AEBP2: variants seen among roughly 807,000 people sequenced by gnomAD.
AEBP2 encodes the protein zinc finger protein AEBP2.
A neutral mutation model predicts 50.8 loss-of-function variants in AEBP2; 10 were observed. The observed-to-expected ratio is 0.20, with a 90% CI of 0.12 to 0.33. AEBP2 has a LOEUF of 0.33. Among genes scored for constraint, AEBP2 ranks in the 10% least tolerant of loss-of-function variants. The pLI, the probability that AEBP2 is intolerant of heterozygous loss-of-function variation, is 1.00. For missense variants in AEBP2, 570 were observed against 688.0 expected (o/e 0.83, Z 1.92); for synonymous variants, 296 against 261.3 (o/e 1.13, Z -1.28).
intron 1 of AEBP2, among the ~76,000 whole-genome samples, chr12:19,428,838 T>C (rs1245764878): frequency 6.6e-6 from 1 of 151,250 alleles, no homozygotes; most frequent in Non-Finnish European, 1.5e-5. Context: ...AAAGAAAATG[T>C]ACTTTAAAAA....
chr12:19,478,633 C>T lies in AEBP2; in HGVS notation c.987+5278C>T, dbSNP rs141917178. Among the ~76,000 whole-genome samples the T allele has an allele frequency of 6.4e-3, 968 of 152,232 alleles. 4 individuals carry two copies. The highest frequency in any genetic ancestry group is 0.011 in the Non-Finnish European group (728 of 68,020). On this transcript the variant is annotated intron_variant, in intron 3 of 7. Coordinates refer to ENST00000266508, the MANE Select transcript of AEBP2 (RefSeq NM_153207.5). Reference sequence around the variant, plus strand: ...TGCTATGAACTTTTCCTCTTAGCACCGCTTTTGCTGTTGCCCACTGGTTTT... The same window carrying T: ...TGCTATGAACTTTTCCTCTTAGCACTGCTTTTGCTGTTGCCCACTGGTTTT...
intron 1 of AEBP2, among the ~76,000 whole-genome samples, chr12:19,433,698 T>A (rs1398653753): frequency 1.3e-5 from 2 of 151,472 alleles, no homozygotes; most frequent in Non-Finnish European, 2.9e-5. Context: ...GAGAATCACT[T>A]GAACCGTGGG....
intron 2 of AEBP2, among the ~76,000 whole-genome samples, chr12:19,463,385 A>G (rs147671909): frequency 6.6e-6 from 1 of 152,334 alleles, no homozygotes; most frequent in East Asian, 1.9e-4. Context: ...AACTTTACCT[A>G]GAATTTTGTT....
chr12:19,423,064 CAAAAAAAAAA>C (rs751550689), intron 1 of AEBP2, among the ~76,000 whole-genome samples: 7 of 35,046 alleles, frequency 2.0e-4, no homozygotes, highest in Admixed American at 6.6e-4. Flanking sequence ...GACTCTGTCT[CAAAAAAAAAA>C]AAAAAAAAAA....
intron 3 of AEBP2, among the ~76,000 whole-genome samples, chr12:19,492,177 G>A (rs1420616585): frequency 6.6e-6 from 1 of 152,130 alleles, no homozygotes; most frequent in Non-Finnish European, 1.5e-5. Context: ...TAAGTAAATT[G>A]GTTAAATGAC....
chr12:19,452,450 T>C (rs1340828360), intron 1 of AEBP2, among the ~76,000 whole-genome samples: 3 of 152,258 alleles, frequency 2.0e-5, no homozygotes, highest in Non-Finnish European at 2.9e-5. Context: ...ATTGCTTTTT[T>C]CCCCTTAATA....
intron 2 of AEBP2, among the ~76,000 whole-genome samples, chr12:19,464,115 T>C (rs894505016): frequency 1.3e-5 from 2 of 152,208 alleles, no homozygotes; most frequent in African/African-American, 4.8e-5. Flanking sequence ...ACCAGTAAAA[T>C]GTTATACTTA....
At chr12:19,473,727 C>T (rs1948607160) in intron 3 of AEBP2, among the ~76,000 whole-genome samples, 1 of 152,146 alleles carries the variant, frequency 6.6e-6, no homozygotes, top group South Asian at 2.1e-4. Flanking sequence ...TAAATGTTAG[C>T]TTAAGCTGAC....
At chr12:19,511,815 A>G (rs535927158) in intron 5 of AEBP2, among the ~76,000 whole-genome samples, 42 of 151,978 alleles carry the variant, frequency 2.8e-4, no homozygotes, top group Admixed American at 9.8e-4. Context: ...TTTTTAGGAT[A>G]GATTTCCAAA....
rs1304736221 is a variant in AEBP2 at position 19,450,467 on chromosome 12, G to A, written c.671+10097G>A. Among the ~76,000 whole-genome samples the A allele has an allele frequency of 2.0e-5, 3 of 148,082 alleles. No individual in the cohort carries two copies. In the East Asian group the frequency reaches 5.9e-4, roughly 29 times the overall value. ...ATGTTAAATATCTCTTTTGTGTTAT[G>A]CACTATGAATGTACAAAACCAAAGA... On this transcript the variant is annotated intron_variant, in intron 1 of 7. Coordinates refer to ENST00000266508, the MANE Select transcript of AEBP2 (RefSeq NM_153207.5).
At chr12:19,440,740 C>A in intron 1 of AEBP2, 1 of 1,533,560 alleles carries the variant, frequency 6.5e-7, no homozygotes, top group Non-Finnish European at 8.7e-7. Flanking sequence ...TAGCTTCTTC[C>A]AACCGTGTTC....
At chr12:19,412,918 G>A (rs988676143) in intron 1 of AEBP2, among the ~76,000 whole-genome samples, 4 of 152,194 alleles carry the variant, frequency 2.6e-5, no homozygotes, top group South Asian at 2.1e-4. Flanking sequence ...CCTCATGGCC[G>A]GCTCCGAGGT....
At chr12:19,406,822 A>G (rs2095736556) in intron 1 of AEBP2, among the ~76,000 whole-genome samples, 1 of 152,076 alleles carries the variant, frequency 6.6e-6, no homozygotes, top group Non-Finnish European at 1.5e-5. Flanking sequence ...TGTGAGCTTT[A>G]TAGTTTTGCG....
chr12:19,415,336 AAAAAAAAAAAAAAAATATATATATAT>A (rs2095741756), intron 1 of AEBP2, among the ~76,000 whole-genome samples: 1 of 47,814 alleles, frequency 2.1e-5, no homozygotes, highest in African/African-American at 9.0e-5. Flanking sequence ...AAAAAAAAAA[AAAAAAAAAAAAAAAATATATATATAT>A]ATATATATAT....
At chr12:19,409,181 A>G (rs1227539332) in intron 1 of AEBP2, among the ~76,000 whole-genome samples, 3 of 152,132 alleles carry the variant, frequency 2.0e-5, no homozygotes, top group African/African-American at 7.2e-5. Flanking sequence ...CCAAAACAAA[A>G]AAGTTTTTCC....
chr12:19,514,022 G>A (rs1949279112), intron 6 of AEBP2, among the ~76,000 whole-genome samples: 1 of 149,466 alleles, frequency 6.7e-6, no homozygotes, highest in African/African-American at 2.5e-5. Context: ...TTTTTGGAGA[G>A]AGAGTCTCAC....
chr12:19,413,996 C>T (rs1402851269), intron 1 of AEBP2, among the ~76,000 whole-genome samples: 1 of 151,828 alleles, frequency 6.6e-6, no homozygotes, highest in African/African-American at 2.4e-5. Context: ...TAGGTCCAAG[C>T]GATTCTCCTG....
chr12:19,516,324 G>A (rs1949317557), intron 7 of AEBP2, among the ~76,000 whole-genome samples: 1 of 152,126 alleles, frequency 6.6e-6, no homozygotes, highest in South Asian at 2.1e-4. Context: ...ATTAAAATTA[G>A]CATCCTAAAA....
At position 19,473,323 on chromosome 12, in the gene AEBP2, A is replaced by T; in HGVS notation, c.955A>T (p.Met319Leu). The T allele has an allele frequency of 2.0e-6, 3 of 1,536,540 alleles. No individual in the cohort carries two copies. Among genetic ancestry groups the T allele is most frequent in the Non-Finnish European group, 2.6e-6 (3 of 1,138,630 alleles). Residue 319 changes from methionine to leucine, a missense_variant, in exon 3 of 8, where the codon ATG becomes TTG. This residue lies in a region of AEBP2 where 184 missense variants were observed against 351.2 expected (regional missense o/e 0.52). Transcript: ENST00000266508. ...STSQSWLQRH[M>L]LTHSGDKPFK... ...CAGTCAAAGTTGGTTACAAAGGCAT[A>T]TGCTGACACACAGTGGAGACAAACC...
Sources: allele counts gnomAD v4.1 joint callset (sites outside exome capture counted in the v4.1 genomes callset), GRCh38; gene constraint gnomAD v4.1.1; regional missense constraint gnomAD v4.1.1; transcripts MANE v1.5; gene names NCBI Gene and HGNC (gene_info 2026-07-23, HGNC 2026-07-21).